Variants in CAMKMT observed in about 807,000 individuals in gnomAD.
The protein encoded by CAMKMT is calmodulin-lysine N-methyltransferase.
In CAMKMT, 53 loss-of-function variants were observed where a neutral mutation model predicts 48.0. That is an observed-to-expected ratio of 1.10 (90% confidence interval 0.89 to 1.39). The LOEUF (loss-of-function observed/expected upper bound fraction) is 1.39, where lower values mean the gene tolerates loss of function less well. Among genes scored for constraint, CAMKMT ranks in the 40% most tolerant of loss-of-function variants. CAMKMT has a pLI of 0.00. For synonymous variants in CAMKMT, 165 were observed against 152.3 expected, an observed-to-expected ratio of 1.08 and a Z score of -0.61; for missense variants, 428 against 402.7, an observed-to-expected ratio of 1.06 and a Z score of -0.54.
chr2:44,445,695 C>A (rs1666954420), intron 3 of CAMKMT, among the ~76,000 whole-genome samples: 8 of 83,888 alleles, frequency 9.5e-5, no homozygotes, highest in East Asian at 5.0e-4. Context: ...TTTTTTTTTA[C>A]CAGTTGGGCT....
intron 3 of CAMKMT, among the ~76,000 whole-genome samples, chr2:44,453,441 T>C (rs1428410841): frequency 1.3e-5 from 2 of 152,090 alleles, no homozygotes; most frequent in African/African-American, 4.8e-5. Flanking sequence ...ATAATGCACA[T>C]TGCCCAATTG....
intron 3 of CAMKMT, among the ~76,000 whole-genome samples, chr2:44,424,350 AT>A (rs1684124805): frequency 6.6e-6 from 1 of 151,974 alleles, no homozygotes; most frequent in Non-Finnish European, 1.5e-5. Flanking sequence ...CAAAGTAAAG[AT>A]TCCTGTCCCT....
chr2:44,503,976 G>A (rs1670129413), intron 3 of CAMKMT, among the ~76,000 whole-genome samples: 1 of 124,754 alleles, frequency 8.0e-6, no homozygotes, highest in Non-Finnish European at 1.7e-5. Context: ...GAGGGGAAGA[G>A]CGGGTGGGGA....
intron 10 of CAMKMT, among the ~76,000 whole-genome samples, chr2:44,770,338 C>G (rs1681050753): frequency 6.6e-6 from 1 of 152,276 alleles, no homozygotes; most frequent in Non-Finnish European, 1.5e-5. Flanking sequence ...GGGCTGGCCC[C>G]TGGCCCCTTT....
intron 3 of CAMKMT, among the ~76,000 whole-genome samples, chr2:44,683,839 A>AAAG (rs1553437599): frequency 1.3e-5 from 2 of 148,746 alleles, no homozygotes; most frequent in African/African-American, 2.5e-5. Context: ...AAAAAAAAAA[A>AAAG]AAAAGAAAAA....
chr2:44,591,567 G>C (rs1429313423), intron 3 of CAMKMT, among the ~76,000 whole-genome samples: 1 of 152,140 alleles, frequency 6.6e-6, no homozygotes, highest in South Asian at 2.1e-4. Flanking sequence ...TCTGTTATTG[G>C]TGCTGGAGAG....
rs540859575 is a variant in CAMKMT, at chr2:44,599,768, T to C, written c.377-104515T>C. ...GTTTAGTCTAATAACCAAGCCTGGA[T>C]TGGGCTATTTCTGAGAGGATTTTAT... On this transcript the variant is annotated intron_variant, in intron 3 of 10. Coordinates refer to ENST00000378494, the MANE Select transcript of CAMKMT (RefSeq NM_024766.5). Among the ~76,000 whole-genome samples the C allele has an allele frequency of 9.9e-5, 15 of 151,908 alleles. No individual in the cohort carries two copies. The South Asian group carries it at 1.7e-3, about 17-fold the overall frequency.
chr2:44,451,349 G>A (rs945618251), intron 3 of CAMKMT, among the ~76,000 whole-genome samples: 7 of 152,010 alleles, frequency 4.6e-5, no homozygotes, highest in African/African-American at 7.2e-5. Context: ...TAGAAAAATC[G>A]TTACCCTAAT....
intron 3 of CAMKMT, among the ~76,000 whole-genome samples, chr2:44,591,839 T>C (rs890681276): frequency 5.9e-5 from 9 of 151,864 alleles, no homozygotes; most frequent in Non-Finnish European, 1.3e-4. Context: ...ATAGACTGGA[T>C]TAAGAAAATG....
At chr2:44,494,288 T>A (rs916509870) in intron 3 of CAMKMT, among the ~76,000 whole-genome samples, 1 of 152,240 alleles carries the variant, frequency 6.6e-6, no homozygotes, top group Non-Finnish European at 1.5e-5. Flanking sequence ...ATGTCAACTC[T>A]TGTTGACTTG....
At chr2:44,422,543 A>G (rs1277260772) in intron 3 of CAMKMT, among the ~76,000 whole-genome samples, 1 of 152,190 alleles carries the variant, frequency 6.6e-6, no homozygotes, top group Non-Finnish European at 1.5e-5. Context: ...GACACACATC[A>G]GTGCTAGCAC....
At chr2:44,472,223 A>C (rs994879301) in intron 3 of CAMKMT, among the ~76,000 whole-genome samples, 8 of 152,094 alleles carry the variant, frequency 5.3e-5, no homozygotes, top group Non-Finnish European at 2.9e-5. Flanking sequence ...GGTGCCCGCC[A>C]CCACACCTGG....
chr2:44,383,100 G>C (rs1303004408), intron 2 of CAMKMT, among the ~76,000 whole-genome samples: 2 of 151,796 alleles, frequency 1.3e-5, no homozygotes, highest in Non-Finnish European at 2.9e-5. Context: ...GTGCATGCAT[G>C]ACCCTGATGT....
intron 3 of CAMKMT, among the ~76,000 whole-genome samples, chr2:44,412,348 G>A (rs1683265307): frequency 6.6e-6 from 1 of 152,064 alleles, no homozygotes; most frequent in East Asian, 1.9e-4. Context: ...GTTTGTTTTT[G>A]TTTTTGAGAC....
intron 3 of CAMKMT, among the ~76,000 whole-genome samples, chr2:44,671,809 A>G (rs1185621511): frequency 6.6e-6 from 1 of 152,020 alleles, no homozygotes; most frequent in Non-Finnish European, 1.5e-5. Flanking sequence ...AGGGCATTGT[A>G]TTTTCATGAT....
chr2:44,540,280 G>A (rs2104853009), intron 3 of CAMKMT, among the ~76,000 whole-genome samples: 1 of 152,130 alleles, frequency 6.6e-6, no homozygotes, highest in South Asian at 2.1e-4. Context: ...TTTTGTCTGT[G>A]AGAACCCCTT....
chr2:44,470,370 C>G (rs1395066418), intron 3 of CAMKMT, among the ~76,000 whole-genome samples: 1 of 152,180 alleles, frequency 6.6e-6, no homozygotes, highest in Admixed American at 6.5e-5. Context: ...AGGGCAGCTT[C>G]AGACCCTTTG....
chr2:44,601,576 C>T (rs1461378748), intron 3 of CAMKMT, among the ~76,000 whole-genome samples: 1 of 151,946 alleles, frequency 6.6e-6, no homozygotes, highest in East Asian at 1.9e-4. Context: ...TACTATGTTT[C>T]TGGTAAGAGG....
chr2:44,474,175 G>A lies in CAMKMT; in HGVS notation c.376+83870G>A, dbSNP rs547513246. On this transcript the variant is annotated intron_variant, in intron 3 of 10. Transcript: ENST00000378494. ...TTTAGTAAGCATTGGGCCGGGCGTC[G>A]TGGCTCACACCTGTAATCCCAGCAC... 2.8e-4 allele frequency among the ~76,000 whole-genome samples: 43 copies of A among 152,240 alleles called. 1 individual carries two copies. The East Asian group carries it at 7.5e-3, about 27-fold the overall frequency.
Sources: allele counts gnomAD v4.1 joint callset (sites outside exome capture counted in the v4.1 genomes callset), GRCh38; gene constraint gnomAD v4.1.1; transcripts MANE v1.5; gene names NCBI Gene and HGNC (gene_info 2026-07-23, HGNC 2026-07-21).